Variants in SNX14 observed in about 807,000 individuals in gnomAD.
The protein encoded by SNX14 is sorting nexin 14.
In SNX14, 93 loss-of-function variants were observed where a neutral mutation model predicts 133.8. The observed-to-expected ratio is 0.70, with a 90% CI of 0.59 to 0.83. The LOEUF (loss-of-function observed/expected upper bound fraction) is 0.83. SNX14 is among the 40% of genes least tolerant of loss of function. The pLI is 0.00. For missense variants in SNX14, 945 were observed against 1,094.9 expected, an observed-to-expected ratio of 0.86 and a Z score of 1.93; for synonymous variants, 368 against 365.6, an observed-to-expected ratio of 1.01 and a Z score of -0.07.
At chr6:85,573,132 CAACA>C (rs1441963153) in intron 2 of SNX14, among the ~76,000 whole-genome samples, 1 of 152,028 alleles carries the variant, frequency 6.6e-6, no homozygotes, top group Non-Finnish European at 1.5e-5. Flanking sequence ...GTAGAAATAC[CAACA>C]AACCCAAGAC....
At chr6:85,512,729 T>C (rs560727375) in intron 26 of SNX14, among the ~76,000 whole-genome samples, 2 of 152,256 alleles carry the variant, frequency 1.3e-5, no homozygotes, top group African/African-American at 4.8e-5. Flanking sequence ...TTGTCAGTTA[T>C]AGTTCAGGTT....
At position 85,545,101 on chromosome 6, in the gene SNX14, G is replaced by A. The variant is rs561777134; in HGVS notation, c.1109-1341C>T. ...AGGTTCTTACACTGCTCCTGAAGCAGTAAAATGTTTTTAAATTAGGACTAT... is the reference window on the plus strand; with the variant it reads ...AGGTTCTTACACTGCTCCTGAAGCAATAAAATGTTTTTAAATTAGGACTAT... On this transcript the variant is annotated intron_variant, in intron 12 of 28. Coordinates refer to ENST00000314673, the MANE Select transcript of SNX14 (RefSeq NM_153816.6). Among the ~76,000 whole-genome samples, 4 of 152,190 alleles carry A rather than the reference G, an allele frequency of 2.6e-5. No individual in the cohort carries two copies. The South Asian group carries it at 8.3e-4, about 32-fold the overall frequency.
chr6:85,588,713 T>A (rs1801828582), intron 1 of SNX14: 1 of 288,628 alleles, frequency 3.5e-6, no homozygotes, highest in Non-Finnish European at 7.0e-6. Context: ...CTCCTAATAG[T>A]TTACTGTTGA....
At chr6:85,558,112 T>C (rs769160487) in intron 6 of SNX14, 52 bp from the exon 7 acceptor site, 2 of 870,550 alleles carry the variant, frequency 2.3e-6, no homozygotes, top group African/African-American at 1.7e-5. Context: ...TAAGTTACAA[T>C]GGCAGGTACA....
At chr6:85,542,188 G>A in intron 14 of SNX14, 145 bp from the exon 15 acceptor site, 1 of 529,286 alleles carries the variant, frequency 1.9e-6, no homozygotes, top group Non-Finnish European at 3.2e-6. Context: ...ACTAGGGTAA[G>A]GATGAAAATA....
intron 5 of SNX14, among the ~76,000 whole-genome samples, chr6:85,565,756 G>A (rs917449726): frequency 1.8e-4 from 27 of 152,078 alleles, no homozygotes; most frequent in Non-Finnish European, 2.9e-4. Flanking sequence ...AATAATTTTG[G>A]AGAAGCAATA....
intron 1 of SNX14, among the ~76,000 whole-genome samples, chr6:85,587,090 G>A (rs569580077): frequency 4.0e-5 from 6 of 151,892 alleles, no homozygotes; most frequent in African/African-American, 1.4e-4. Flanking sequence ...ATGTTGCCCA[G>A]GTTCATCTCC....
intron 23 of SNX14, among the ~76,000 whole-genome samples, chr6:85,516,860 A>T (rs924532720): frequency 6.6e-6 from 1 of 151,812 alleles, no homozygotes; most frequent in African/African-American, 2.4e-5. Flanking sequence ...CTGGTCTCAA[A>T]CTCCTGACCT....
chr6:85,576,513 G>A (rs765349532), intron 1 of SNX14, among the ~76,000 whole-genome samples: 22 of 148,050 alleles, frequency 1.5e-4, no homozygotes, highest in Non-Finnish European at 3.2e-4. Context: ...TAAATTGCAC[G>A]AACTGACAGA....
chr6:85,541,982 T>C lies in SNX14; in HGVS notation c.1448+3A>G. On this transcript the variant is annotated splice_donor_region_variant and intron_variant, in intron 15 of 28. Transcript: ENST00000314673. ...AAGTTCAAAAACAAAACATACAACC[T>C]ACCTGTTCAATTTTGAATTGCGTGT... 1 of 1,594,948 alleles carries C rather than the reference T, an allele frequency of 6.3e-7. No individual in the cohort carries two copies. Among genetic ancestry groups the C allele is most frequent in the East Asian group, 2.3e-5 (1 of 44,160 alleles).
intron 1 of SNX14, among the ~76,000 whole-genome samples, chr6:85,576,720 G>A (rs1181137529): frequency 2.0e-5 from 3 of 152,190 alleles, no homozygotes; most frequent in African/African-American, 7.2e-5. Context: ...CTGCTTCCAT[G>A]TGTTTCTGGG....
At chr6:85,577,411 C>A (rs11752795) in intron 1 of SNX14, among the ~76,000 whole-genome samples, 72,813 of 151,258 alleles carry the variant, frequency 0.48, 18,456 homozygotes, top group Middle Eastern at 0.6. Context: ...AGCGAGACTC[C>A]GTCTAAATAA....
At chr6:85,586,585 TTCTA>T (rs965875370) in intron 1 of SNX14, among the ~76,000 whole-genome samples, 23 of 152,326 alleles carry the variant, frequency 1.5e-4, no homozygotes, top group Non-Finnish European at 2.6e-4. Flanking sequence ...TTTTTTTTAT[TTCTA>T]TCTTTTATAG....
chr6:85,558,195 T>C (rs1582912761), intron 6 of SNX14, 135 bp from the exon 7 acceptor site: 2 of 568,528 alleles, frequency 3.5e-6, no homozygotes, highest in East Asian at 6.1e-5. Context: ...ACACTTTATA[T>C]TCCTGCATCA....
At chr6:85,519,205 A>G (rs905968116) in intron 21 of SNX14, among the ~76,000 whole-genome samples, 2 of 152,370 alleles carry the variant, frequency 1.3e-5, no homozygotes, top group South Asian at 4.1e-4. Context: ...ATACACAAAC[A>G]CTAAATATTT....
chr6:85,563,839 G>A (rs1236256455), intron 6 of SNX14, among the ~76,000 whole-genome samples: 3 of 151,976 alleles, frequency 2.0e-5, no homozygotes, highest in Non-Finnish European at 4.4e-5. Context: ...TGTTACATAT[G>A]TATACATGTG....
At chr6:85,565,195 CTACATGCCTGTATCAAAGTA>C (rs2128166462) in intron 6 of SNX14, 117 bp downstream of exon 6, 1 of 546,620 alleles carries the variant, frequency 1.8e-6, no homozygotes, top group African/African-American at 1.9e-5. Flanking sequence ...TTATTACTTA[CTACATGCCTGTATCAAAGTA>C]TCTCATGTAC....
At chr6:85,536,459 G>A (rs1014920460) in intron 17 of SNX14, among the ~76,000 whole-genome samples, 1 of 152,170 alleles carries the variant, frequency 6.6e-6, no homozygotes, top group Non-Finnish European at 1.5e-5. Flanking sequence ...GGAGTACATG[G>A]TGGGAAAAAG....
At chr6:85,568,193 T>C (rs1372356953) in intron 4 of SNX14, 2 of 152,198 alleles carry the variant, frequency 1.3e-5, no homozygotes, top group East Asian at 3.8e-4. Context: ...AAATAAATTG[T>C]TCCTGACTCT....
Sources: allele counts gnomAD v4.1 joint callset (sites outside exome capture counted in the v4.1 genomes callset), GRCh38; gene constraint gnomAD v4.1.1; transcripts MANE v1.5; gene names NCBI Gene and HGNC (gene_info 2026-07-23, HGNC 2026-07-21).